LRMDA: variants seen among roughly 807,000 people sequenced by gnomAD.
LRMDA encodes leucine rich melanocyte differentiation associated.
Under a neutral mutation model 29.8 loss-of-function variants are expected in LRMDA, and 18 were observed. That is an observed-to-expected ratio of 0.60 (90% confidence interval 0.42 to 0.90). LRMDA has a LOEUF of 0.90. LRMDA is among the 40% of genes least tolerant of loss of function. LRMDA has a pLI of 0.00. For synonymous variants in LRMDA, 125 were observed against 109.4 expected, an observed-to-expected ratio of 1.14 and a Z score of -0.89; for missense variants, 273 against 273.9, an observed-to-expected ratio of 1.00 and a Z score of 0.02.
rs1353151274 is a variant in LRMDA at position 76,559,063 on chromosome 10, C to T, written c.*1775C>T. ...CTGGGTCATTGTTTAGAAGCATCAA[C>T]ACATGTTTTCTCCCTGGCATAATAT... is the stretch of plus-strand genomic sequence containing the variant. On this transcript the variant is annotated 3_prime_UTR_variant, in exon 7 of 7. Transcript: ENST00000611255. 1 of 152,202 alleles carries T rather than the reference C, an allele frequency of 6.6e-6. No homozygotes were observed. Among genetic ancestry groups the T allele is most frequent in the Non-Finnish European group, 1.5e-5 (1 of 68,034 alleles). 9.4% of individuals were successfully genotyped at this position (152,202 alleles called of 1,614,324 possible). A position where few individuals can be genotyped will look rare whatever the true frequency, so the allele number is the denominator to read the frequency against.
intron 2 of LRMDA, among the ~76,000 whole-genome samples, chr10:75,915,588 G>C (rs767615685): frequency 6.6e-6 from 1 of 152,184 alleles, no homozygotes; most frequent in African/African-American, 2.4e-5. Context: ...GAGGTTCAGA[G>C]AGGTTAAGTG....
intron 6 of LRMDA, among the ~76,000 whole-genome samples, chr10:76,408,495 A>G (rs1288680233): frequency 6.6e-6 from 1 of 152,222 alleles, no homozygotes; most frequent in Admixed American, 6.5e-5. Context: ...ACATGGTTCT[A>G]GAAATATAAA....
At chr10:75,757,640 C>T (rs1843048303) in intron 2 of LRMDA, among the ~76,000 whole-genome samples, 1 of 152,074 alleles carries the variant, frequency 6.6e-6, no homozygotes, top group Admixed American at 6.5e-5. Context: ...AGTGGAACTG[C>T]TTTGAGGATT....
At chr10:75,472,378 G>A (rs1844737706) in intron 2 of LRMDA, among the ~76,000 whole-genome samples, 1 of 152,272 alleles carries the variant, frequency 6.6e-6, no homozygotes, top group East Asian at 1.9e-4. Context: ...TCCTCGTAAC[G>A]ACCCATTTGA....
chr10:76,412,495 A>G (rs1841972845), intron 6 of LRMDA, among the ~76,000 whole-genome samples: 1 of 152,172 alleles, frequency 6.6e-6, no homozygotes, highest in Non-Finnish European at 1.5e-5. Context: ...TCTTGTGGTG[A>G]GAAGGAAGGA....
intron 2 of LRMDA, among the ~76,000 whole-genome samples, chr10:76,025,611 C>A (rs1848050435): frequency 1.3e-5 from 2 of 152,036 alleles, no homozygotes; most frequent in Admixed American, 1.3e-4. Flanking sequence ...GAAATGGATA[C>A]CACACCACAT....
At chr10:75,743,134 T>A (rs915089041) in intron 2 of LRMDA, among the ~76,000 whole-genome samples, 1 of 150,958 alleles carries the variant, frequency 6.6e-6, no homozygotes, top group Non-Finnish European at 1.5e-5. Context: ...TGGGAGGGGG[T>A]GGTAAGAGAT....
At chr10:76,383,887 C>A (rs112872828) in intron 6 of LRMDA, among the ~76,000 whole-genome samples, 7 of 152,326 alleles carry the variant, frequency 4.6e-5, no homozygotes, top group African/African-American at 1.7e-4. Context: ...GAGCCACAAC[C>A]AGCTACCCAC....
At chr10:75,926,842 A>G (rs1846128156) in intron 2 of LRMDA, among the ~76,000 whole-genome samples, 2 of 152,106 alleles carry the variant, frequency 1.3e-5, no homozygotes, top group African/African-American at 4.8e-5. Flanking sequence ...TCTCCTGGAA[A>G]TCTCTGGGCT....
intron 2 of LRMDA, among the ~76,000 whole-genome samples, chr10:75,574,086 C>T (rs1233289907): frequency 1.3e-5 from 2 of 151,840 alleles, no homozygotes; most frequent in Non-Finnish European, 2.9e-5. Context: ...CCTTAGATAT[C>T]CAGCTTTATG....
At chr10:76,194,601 A>C (rs1851302134) in intron 5 of LRMDA, among the ~76,000 whole-genome samples, 1 of 152,180 alleles carries the variant, frequency 6.6e-6, no homozygotes, top group Admixed American at 6.5e-5. Flanking sequence ...GATCTGTAAG[A>C]TGTAGCTTCT....
At chr10:76,536,042 G>C (rs1843287275) in intron 6 of LRMDA, 1 of 152,166 alleles carries the variant, frequency 6.6e-6, no homozygotes, top group African/African-American at 2.4e-5. Flanking sequence ...CTCCCAAAGT[G>C]CTCGGATTAC....
At chr10:76,404,390 T>C (rs1336609820) in intron 6 of LRMDA, among the ~76,000 whole-genome samples, 1 of 152,088 alleles carries the variant, frequency 6.6e-6, no homozygotes, top group African/African-American at 2.4e-5. Flanking sequence ...ATAAAATAAA[T>C]CCCTAAAAAA....
intron 2 of LRMDA, among the ~76,000 whole-genome samples, chr10:75,764,104 G>A (rs970329550): frequency 6.6e-6 from 1 of 152,080 alleles, no homozygotes; most frequent in Non-Finnish European, 1.5e-5. Context: ...TTTATTTCAT[G>A]CTTGCTTTCC....
intron 2 of LRMDA, among the ~76,000 whole-genome samples, chr10:75,674,129 A>T (rs1255056106): frequency 6.6e-6 from 1 of 152,244 alleles, no homozygotes; most frequent in East Asian, 1.9e-4. Flanking sequence ...ATAGATATTT[A>T]AAAAATTTCT....
chr10:76,137,054 GC>G (rs1409443939), intron 5 of LRMDA, among the ~76,000 whole-genome samples: 1 of 152,152 alleles, frequency 6.6e-6, no homozygotes, highest in Non-Finnish European at 1.5e-5. Context: ...CTATCTCCAT[GC>G]TTTTGTTTAT....
intron 2 of LRMDA, chr10:75,451,875 TA>T (rs34576906): frequency 0.026 from 3,691 of 142,602 alleles, 69 homozygotes; most frequent in African/African-American, 0.059. Flanking sequence ...ATTGCTCTGG[TA>T]AAAAAAAAAA....
At chr10:75,485,064 G>T (rs2132056156) in intron 2 of LRMDA, among the ~76,000 whole-genome samples, 1 of 152,298 alleles carries the variant, frequency 6.6e-6, no homozygotes. Context: ...AAACTTACCT[G>T]TAAAATACTT....
chr10:75,455,433 A>G (rs1228066713), intron 2 of LRMDA, among the ~76,000 whole-genome samples: 1 of 152,186 alleles, frequency 6.6e-6, no homozygotes, highest in Non-Finnish European at 1.5e-5. Context: ...CAATGTGGAG[A>G]TAAGGCTAAT....
Sources: allele counts gnomAD v4.1 joint callset (sites outside exome capture counted in the v4.1 genomes callset), GRCh38; gene constraint gnomAD v4.1.1; transcripts MANE v1.5; gene names NCBI Gene and HGNC (gene_info 2026-07-23, HGNC 2026-07-21).